The following CYP26C1 variants were observed in gnomAD, a reference collection of about 807,000 sequenced individuals.
CYP26C1 encodes cytochrome P450 family 26 subfamily C member 1, also known as cytochrome P450 26C1.
Under a neutral mutation model 39.1 loss-of-function variants are expected in CYP26C1, and 41 were observed. The ratio of observed to expected loss-of-function variants is 1.05; its 90% confidence interval spans 0.82 to 1.36. The LOEUF is 1.36. Ranked by LOEUF, CYP26C1 falls within the 40% of genes most tolerant of loss-of-function variation. The pLI is 0.00. For synonymous variants in CYP26C1, 362 were observed against 350.8 expected (o/e 1.03, Z -0.36); for missense variants, 833 against 752.0 (o/e 1.11, Z -1.26).
In CYP26C1 at chr10:93,064,874, CT is replaced by C. The variant is rs536246285; in HGVS notation, c.861+339del. The C allele has an allele frequency of 2.2e-4, 220 of 1,006,290 alleles. 8 individuals are homozygous for C. In the Admixed American group the frequency reaches 0.012, roughly 56 times the overall value. 62.3% of individuals were successfully genotyped at this position (1,006,290 alleles called of 1,614,324 possible). ...CCATGCCTTTGCCTCTGCTGTCCCC[CT>C]GCCTACAAAGCCCTCATTATTCATT... On this transcript the variant is annotated intron_variant, in intron 4 of 5. Coordinates refer to ENST00000651965, the MANE Select transcript of CYP26C1 (RefSeq NM_183374.3).
In CYP26C1 at chr10:93,061,328, CG is replaced by C; in HGVS notation, c.68del (p.Gly23AlafsTer17). The C allele has an allele frequency of 6.3e-7, 1 of 1,593,730 alleles. No individual in the cohort carries two copies. The highest frequency in any genetic ancestry group is 8.5e-7 in the Non-Finnish European group (1 of 1,171,080). ...LGAAGTALLC[A>X]GLLLSLAQHL... ...GCGGCGGGCACTGCTCTCCTGTGCG[CG>C]GGCCTGCTGCTCAGCCTGGCCCAGC... On this transcript the variant is annotated frameshift_variant, in exon 1 of 6. Coordinates refer to ENST00000651965, the MANE Select transcript of CYP26C1 (RefSeq NM_183374.3). LOFTEE classifies it high-confidence loss of function.
In CYP26C1 at chr10:93,061,130, A is replaced by C; in HGVS notation, c.-134A>C. ...AACAGAGTTCTGGCCTGAGCTTATA[A>C]ATCTCGGGCTTTGCCCCCAAACCCC... On this transcript the variant is annotated 5_prime_UTR_variant, in exon 1 of 6. Transcript: ENST00000651965. 1 of 882,212 alleles carries C rather than the reference A, an allele frequency of 1.1e-6. No individual in the cohort carries two copies. Among genetic ancestry groups the C allele is most frequent in the Non-Finnish European group, 1.7e-6 (1 of 579,018 alleles). The allele number at this position is 882,212 out of a possible 1,614,324, so 54.6% of individuals were successfully genotyped here.
At chr10:93,063,497 G>C in intron 3 of CYP26C1, 1 of 986,784 alleles carries the variant, frequency 1.0e-6, no homozygotes, top group Non-Finnish European at 1.2e-6. Flanking sequence ...TAGGTTTCGG[G>C]ATCAGAGAAC....
Position 93,068,338 on chromosome 10 carries a change from GGCTGGA to G in CYP26C1, c.1213_1218del (p.Trp405_Ser406del). On this transcript the variant is annotated inframe_deletion, in exon 6 of 6. Transcript: ENST00000651965. ...TCTGCAGGGCTACCAGATCCCCAAG[GGCTGGA>G]GCGTGATGTATAGCATCCGGGACAC... 1 of 1,533,058 alleles carries G rather than the reference GGCTGGA, an allele frequency of 6.5e-7. No individual in the cohort carries two copies. Among genetic ancestry groups the G allele is most frequent in the African/African-American group, 1.4e-5 (1 of 71,978 alleles). The allele number at this position is 1,533,058 out of a possible 1,614,324, so 95.0% of individuals were successfully genotyped here. A position where few individuals can be genotyped will look rare whatever the true frequency, so the allele number is the denominator to read the frequency against.
intron 2 of CYP26C1, 71 bp from the exon 3 acceptor site, chr10:93,062,649 C>G: frequency 7.6e-7 from 1 of 1,308,628 alleles, no homozygotes; most frequent in Non-Finnish European, 9.9e-7. Context: ...AACTGGCCTT[C>G]TGGCTACTCC....
At chr10:93,063,173 G>A (rs910655538) in intron 3 of CYP26C1, 178 bp downstream of exon 3, 1 of 1,386,608 alleles carries the variant, frequency 7.2e-7, no homozygotes, top group Non-Finnish European at 9.3e-7. Flanking sequence ...CTCTGGGCCT[G>A]GCCTCTGTGC....
At chr10:93,061,638 G>C (rs1846751149) in intron 1 of CYP26C1, among the ~76,000 whole-genome samples, 171 bp downstream of exon 1, 1 of 152,036 alleles carries the variant, frequency 6.6e-6, no homozygotes, top group African/African-American at 2.4e-5. Flanking sequence ...CCGTTCCCTC[G>C]AAGGGACCTC....
In CYP26C1 at chr10:93,061,290, G is replaced by T. The variant is rs1179387773; in HGVS notation, c.27G>T (p.Leu9=). MFPWGLSC[L]SVLGAAGTAL... is the part of the protein sequence containing the mutation. ...TGTTCCCTTGGGGGCTGAGCTGCCT[G>T]TCAGTGCTGGGGGCGGCGGGCACTG... is the stretch of plus-strand genomic sequence containing the variant. The change falls in exon 1 of 6, where the codon CTG becomes CTT. Residue 9 remains leucine, a synonymous_variant. Transcript: ENST00000651965. 6 of 1,592,784 alleles carry T rather than the reference G, an allele frequency of 3.8e-6. No individual in the cohort carries two copies. In the South Asian group the frequency reaches 6.9e-5, roughly 18 times the overall value.
intron 1 of CYP26C1, 78 bp downstream of exon 1, chr10:93,061,545 T>C (rs894334211): frequency 1.7e-5 from 26 of 1,496,130 alleles, no homozygotes; most frequent in Middle Eastern, 2.3e-4. Flanking sequence ...TCAGTCTCAA[T>C]GCCCATGGGA....
Position 93,061,290 on chromosome 10 carries a change from G to A in CYP26C1, c.27G>A (p.Leu9=). The change falls in exon 1 of 6, where the codon CTG becomes CTA. Residue 9 remains leucine (L), a synonymous_variant. Coordinates refer to ENST00000651965, the MANE Select transcript of CYP26C1 (RefSeq NM_183374.3). ...TGTTCCCTTGGGGGCTGAGCTGCCT[G>A]TCAGTGCTGGGGGCGGCGGGCACTG... MFPWGLSC[L]SVLGAAGTAL... is the part of the protein sequence containing the mutation. 1 of 1,592,784 alleles carries A rather than the reference G, an allele frequency of 6.3e-7. No homozygotes were observed. Among genetic ancestry groups the A allele is most frequent in the East Asian group, 2.3e-5 (1 of 44,028 alleles).
In CYP26C1 at chr10:93,066,084, G is replaced by A. The variant is rs1033298701; in HGVS notation, c.990G>A (p.Gly330=). ...TTCGGGAGGAGCTGGTGGCGCAGGG[G>A]CTGGGGCGCGCGTGCGGCTGCGCGC... ...AKIREELVAQ[G]LGRACGCAPG... Residue 330 remains glycine (G), a synonymous_variant, in exon 5 of 6, where the codon GGG becomes GGA. Transcript: ENST00000651965. 6.5e-6 allele frequency: 9 copies of A among 1,374,968 alleles called. No individual in the cohort carries two copies. The highest frequency in any genetic ancestry group is 3.0e-5 in the East Asian group (1 of 33,102). 85.2% of individuals were successfully genotyped at this position (1,374,968 alleles called of 1,614,324 possible).
rs373592351 is a variant in CYP26C1, at chr10:93,064,423, G to A, written c.748G>A (p.Ala250Thr). 1 of 1,614,118 alleles carries A rather than the reference G, an allele frequency of 6.2e-7. No homozygotes were observed. Among genetic ancestry groups the A allele is most frequent in the South Asian group, 1.1e-5 (1 of 91,078 alleles). ...CCAGCTGCATCGGCACCTGGAGGGGGCCATTTCTGAGAAGCTTCACGAGGA... is the reference window on the plus strand; with the variant it reads ...CCAGCTGCATCGGCACCTGGAGGGGACCATTTCTGAGAAGCTTCACGAGGA... The part of the protein sequence containing the change: ...RDQLHRHLEG[A>T]ISEKLHEDKA... The change falls in exon 4 of 6, where the codon GCC (alanine) becomes ACC (threonine). Residue 250 changes from alanine (A) to threonine (T), a missense_variant. By Grantham distance (58) the Ala-to-Thr change is moderately conservative. Transcript: ENST00000651965.
At position 93,061,415 on chromosome 10, in the gene CYP26C1, A is replaced by G. The variant is rs762476297; in HGVS notation, c.152A>G (p.Lys51Arg). ...RDRASTLPLPKGSMGWPFFGE... is the reference protein window; with the variant it reads ...RDRASTLPLPRGSMGWPFFGE... ...CGGGCCTCCACCCTGCCTCTGCCCA[A>G]GGGCTCCATGGGGTGGCCCTTCTTC... Residue 51 changes from lysine to arginine, a missense_variant, in exon 1 of 6, where the codon AAG becomes AGG. Coordinates refer to ENST00000651965, the MANE Select transcript of CYP26C1 (RefSeq NM_183374.3). The G allele has an allele frequency of 1.9e-6, 3 of 1,558,618 alleles. No homozygotes were observed. The highest frequency in any genetic ancestry group is 2.7e-5 in the African/African-American group (2 of 73,576).
chr10:93,066,297 G>A lies in CYP26C1; in HGVS notation c.1191+12G>A. On this transcript the variant is annotated intron_variant, in intron 5 of 5. Transcript: ENST00000651965. The stretch of plus-strand genomic sequence containing the variant: ...CCTTCGAGCTCGACGTAAGTGCGCC[G>A]TGCCAGCCCATGGCCAGCCTCCTGC... 1.5e-6 allele frequency: 2 copies of A among 1,347,060 alleles called. No homozygotes were observed. Among genetic ancestry groups the A allele is most frequent in the Non-Finnish European group, 1.9e-6 (2 of 1,048,864 alleles). The allele number at this position is 1,347,060 out of a possible 1,614,324, so 83.4% of individuals were successfully genotyped here.
intron 3 of CYP26C1, 185 bp downstream of exon 3, chr10:93,063,180 G>C: frequency 7.4e-7 from 1 of 1,357,270 alleles, no homozygotes; most frequent in East Asian, 3.0e-5. Flanking sequence ...CCTGGCCTCT[G>C]TGCTGGTTCG....
rs541522742 is a variant in CYP26C1 at position 93,068,885 on chromosome 10, G to A, written c.*188G>A. On this transcript the variant is annotated 3_prime_UTR_variant, in exon 6 of 6. Coordinates refer to ENST00000651965, the MANE Select transcript of CYP26C1 (RefSeq NM_183374.3). ...AGGAGGAGGGCGAGCCACCGCTGCC[G>A]CGCCAGAGAAGCATCTAAGCCCATG... The A allele has an allele frequency of 3.8e-6, 4 of 1,050,222 alleles. No homozygotes were observed. In the East Asian group the frequency reaches 9.1e-5, roughly 24 times the overall value. The allele number at this position is 1,050,222 out of a possible 1,614,324, so 65.1% of individuals were successfully genotyped here.
chr10:93,063,846 A>G, intron 3 of CYP26C1: 1 of 985,892 alleles, frequency 1.0e-6, no homozygotes, highest in African/African-American at 1.7e-5. Context: ...GCTGAATTAC[A>G]GTGCTTTCCC....
rs762573424 is a variant in CYP26C1 at position 93,061,284 on chromosome 10, C to G, written c.21C>G (p.Ser7Arg). 9 of 1,590,140 alleles carry G rather than the reference C, an allele frequency of 5.7e-6. No homozygotes were observed. In the South Asian group the frequency reaches 8.0e-5, roughly 14 times the overall value. MFPWGL[S>R]CLSVLGAAGT... ...TCATCATGTTCCCTTGGGGGCTGAG[C>G]TGCCTGTCAGTGCTGGGGGCGGCGG... Residue 7 changes from serine (S) to arginine (R), a missense_variant, in exon 1 of 6, where the codon AGC (serine) becomes AGG (arginine). Transcript: ENST00000651965.
intron 3 of CYP26C1, chr10:93,063,816 T>A: frequency 1.7e-5 from 17 of 985,676 alleles, no homozygotes; most frequent in Non-Finnish European, 1.9e-5. Context: ...CCTCATCTCC[T>A]CCGACTATGG....
Sources: allele counts gnomAD v4.1 joint callset (sites outside exome capture counted in the v4.1 genomes callset), GRCh38; gene constraint gnomAD v4.1.1; transcripts MANE v1.5; gene names NCBI Gene and HGNC (gene_info 2026-07-23, HGNC 2026-07-21).